HSDL2: variants seen among roughly 807,000 people sequenced by gnomAD.
HSDL2 encodes hydroxysteroid dehydrogenase like 2, also known as hydroxysteroid dehydrogenase-like protein 2.
In HSDL2, 27 loss-of-function variants were observed where a neutral mutation model predicts 46.3. That is an observed-to-expected ratio of 0.58 (90% confidence interval 0.43 to 0.80). The LOEUF is 0.80. HSDL2 is among the 30% of genes least tolerant of loss of function. The pLI, the probability that HSDL2 is intolerant of heterozygous loss-of-function variation, is 0.00. For missense variants in HSDL2, 451 were observed against 502.7 expected (o/e 0.90, Z 0.98); for synonymous variants, 153 against 163.6 (o/e 0.94, Z 0.50).
In HSDL2 at chr9:112,466,965, G is replaced by A. The variant is rs114971492; in HGVS notation, c.1145-3467G>A. Among the ~76,000 whole-genome samples the A allele has an allele frequency of 4.0e-3, 613 of 152,304 alleles. 5 individuals are homozygous for A. Among genetic ancestry groups the A allele is most frequent in the African/African-American group, 0.014 (592 of 41,580 alleles). On this transcript the variant is annotated intron_variant, in intron 10 of 10. Transcript: ENST00000398805. ...GTTAAATGGTCTTGGCACCCTTGTT[G>A]AAGATCAGTTGACTATAGATACATG...
At chr9:112,424,839 TTAAAG>T (rs1269940050) in intron 6 of HSDL2, among the ~76,000 whole-genome samples, 1 of 151,508 alleles carries the variant, frequency 6.6e-6, no homozygotes, top group East Asian at 1.9e-4. Flanking sequence ...TTCTAATTTG[TTAAAG>T]TATATATTAA....
chr9:112,408,780 G>T, intron 3 of HSDL2, 127 bp from the exon 4 acceptor site: 1 of 559,534 alleles, frequency 1.8e-6, no homozygotes, highest in South Asian at 2.4e-5. Context: ...GGCCATTGTT[G>T]ATTGAAATGT....
intron 1 of HSDL2, among the ~76,000 whole-genome samples, chr9:112,399,677 C>T (rs941510684): frequency 2.6e-5 from 4 of 152,122 alleles, no homozygotes; most frequent in South Asian, 2.1e-4. Context: ...TAATATTCCT[C>T]GCTAGGAAAA....
chr9:112,436,960 CTTTTT>C (rs780957603), intron 6 of HSDL2, among the ~76,000 whole-genome samples: 3 of 126,778 alleles, frequency 2.4e-5, no homozygotes, highest in African/African-American at 6.0e-5. Flanking sequence ...TTCTTTTTTT[CTTTTT>C]TTTTTTTTTT....
At chr9:112,435,014 A>G (rs1832491892) in intron 6 of HSDL2, among the ~76,000 whole-genome samples, 3 of 152,128 alleles carry the variant, frequency 2.0e-5, no homozygotes, top group Admixed American at 1.3e-4. Context: ...AGTGAATTTC[A>G]TTTGATTGAT....
At chr9:112,431,426 A>T (rs1044207430) in intron 6 of HSDL2, among the ~76,000 whole-genome samples, 1 of 152,184 alleles carries the variant, frequency 6.6e-6, no homozygotes, top group South Asian at 2.1e-4. Context: ...TAGGAGAGTA[A>T]GGTAGGAAGA....
intron 6 of HSDL2, among the ~76,000 whole-genome samples, chr9:112,427,994 G>T (rs557326423): frequency 6.6e-6 from 1 of 152,270 alleles, no homozygotes; most frequent in East Asian, 1.9e-4. Context: ...AAGCCCTGGT[G>T]GTACTCTTGA....
At chr9:112,460,872 A>G (rs1243334397) in intron 10 of HSDL2, among the ~76,000 whole-genome samples, 1 of 152,214 alleles carries the variant, frequency 6.6e-6, no homozygotes, top group Non-Finnish European at 1.5e-5. Flanking sequence ...TTTAGCATCT[A>G]TATATGTATA....
chr9:112,455,604 G>C (rs1238066248), intron 9 of HSDL2, among the ~76,000 whole-genome samples: 1 of 152,206 alleles, frequency 6.6e-6, no homozygotes, highest in Admixed American at 6.5e-5. Context: ...AGTAGAAATT[G>C]ACTATTGCCC....
At chr9:112,446,194 T>A (rs1458480586) in intron 8 of HSDL2, among the ~76,000 whole-genome samples, 1 of 152,124 alleles carries the variant, frequency 6.6e-6, no homozygotes, top group Non-Finnish European at 1.5e-5. Context: ...TGTAGGTTGC[T>A]TTTGGCTCCC....
intron 1 of HSDL2, among the ~76,000 whole-genome samples, chr9:112,402,952 A>C (rs1282441775): frequency 6.6e-6 from 1 of 151,954 alleles, no homozygotes; most frequent in Admixed American, 6.6e-5. Flanking sequence ...TCAAAAGAAA[A>C]AAAAACACAC....
At chr9:112,431,794 G>A (rs1832410249) in intron 6 of HSDL2, among the ~76,000 whole-genome samples, 1 of 151,860 alleles carries the variant, frequency 6.6e-6, no homozygotes. Context: ...AAGTGATGTT[G>A]GAGCCATGCT....
At chr9:112,465,272 G>A (rs1253146483) in intron 10 of HSDL2, among the ~76,000 whole-genome samples, 2 of 152,092 alleles carry the variant, frequency 1.3e-5, no homozygotes, top group Non-Finnish European at 2.9e-5. Flanking sequence ...GGGATTACAG[G>A]AGCCCACTAC....
At chr9:112,381,328 GACAT>G (rs932728478) in intron 1 of HSDL2, among the ~76,000 whole-genome samples, 8 of 152,036 alleles carry the variant, frequency 5.3e-5, no homozygotes, top group African/African-American at 1.9e-4. Flanking sequence ...TGTGCCCAGG[GACAT>G]ACATTTTTAG....
intron 4 of HSDL2, among the ~76,000 whole-genome samples, chr9:112,413,107 A>C (rs1831914412): frequency 6.6e-6 from 1 of 152,194 alleles, no homozygotes; most frequent in African/African-American, 2.4e-5. Flanking sequence ...CCTCACACTG[A>C]CTTTTGGGTC....
chr9:112,429,400 G>C (rs567087882), intron 6 of HSDL2, among the ~76,000 whole-genome samples: 14 of 152,196 alleles, frequency 9.2e-5, no homozygotes, highest in Non-Finnish European at 1.6e-4. Context: ...AGATTTAAGA[G>C]TTTGTTACCA....
chr9:112,432,630 C>T (rs766699898), intron 6 of HSDL2, among the ~76,000 whole-genome samples: 5 of 152,146 alleles, frequency 3.3e-5, no homozygotes, highest in African/African-American at 1.2e-4. Flanking sequence ...GCTTTAGCTT[C>T]AAGATATTCA....
chr9:112,470,730 G>A lies in HSDL2; in HGVS notation c.*186G>A, dbSNP rs1241304678. The A allele has an allele frequency of 1.1e-5, 5 of 466,794 alleles. No homozygotes were observed. Among genetic ancestry groups the A allele is most frequent in the African/African-American group, 4.0e-5 (2 of 49,540 alleles). The allele number at this position is 466,794 out of a possible 1,614,324, so 28.9% of individuals were successfully genotyped here. A position where few individuals can be genotyped will look rare whatever the true frequency, so the allele number is the denominator to read the frequency against. On this transcript the variant is annotated 3_prime_UTR_variant, in exon 11 of 11. Coordinates refer to ENST00000398805, the MANE Select transcript of HSDL2 (RefSeq NM_032303.5). ...AAAATGGCAAGCTAATCAAACATAA[G>A]CTTCATTAAGTGGGATTCTAAGACA...
intron 7 of HSDL2, among the ~76,000 whole-genome samples, chr9:112,439,000 T>G (rs1255596108): frequency 6.6e-6 from 1 of 152,170 alleles, no homozygotes; most frequent in African/African-American, 2.4e-5. Flanking sequence ...TAGTGGGTTA[T>G]GTATTTATTT....
Sources: allele counts gnomAD v4.1 joint callset (sites outside exome capture counted in the v4.1 genomes callset), GRCh38; gene constraint gnomAD v4.1.1; transcripts MANE v1.5; gene names NCBI Gene and HGNC (gene_info 2026-07-23, HGNC 2026-07-21).